The following LRBA variants were observed in gnomAD, a reference collection of about 807,000 sequenced individuals.
LRBA encodes the protein lipopolysaccharide-responsive and beige-like anchor protein.
A neutral mutation model predicts 330.0 loss-of-function variants in LRBA; 176 were observed. The ratio of observed to expected loss-of-function variants is 0.53; its 90% CI spans 0.47 to 0.60. LRBA has a LOEUF of 0.60. LRBA is among the 20% of genes least tolerant of loss of function. LRBA has a pLI of 0.00. For missense variants in LRBA, 3,259 were observed against 3,444.8 expected (o/e 0.95, Z 1.35); for synonymous variants, 1,230 against 1,193.0 (o/e 1.03, Z -0.64).
chr4:150,489,143 T>TAATATATAAGAATATATAATATAC (rs1758346290), intron 41 of LRBA, among the ~76,000 whole-genome samples: 1 of 98,632 alleles, frequency 1.0e-5, no homozygotes, highest in Admixed American at 1.2e-4. Flanking sequence ...ATATAATATA[T>TAATATATAAGAATATATAATATAC]AATATATCAG....
At chr4:150,485,010 T>C (rs1199896556) in intron 42 of LRBA, among the ~76,000 whole-genome samples, 1 of 152,006 alleles carries the variant, frequency 6.6e-6, no homozygotes, top group Non-Finnish European at 1.5e-5. Flanking sequence ...AAGATCTCAA[T>C]CTTTCTAAAC....
At chr4:150,404,031 CA>C (rs1042636033) in intron 47 of LRBA, among the ~76,000 whole-genome samples, 3 of 148,432 alleles carry the variant, frequency 2.0e-5, no homozygotes, top group East Asian at 2.0e-4. Context: ...GATTCTGTCT[CA>C]AAAAAAAACA....
chr4:150,861,314 T>C lies in LRBA; in HGVS notation c.2766+6357A>G, dbSNP rs549272478. The stretch of plus-strand genomic sequence containing the variant: ...GTGTGTGTGTGTGTGTGTGTGTAGA[T>C]TGAGACTCACTATGTTGCCCAGGCT... On this transcript the variant is annotated intron_variant, in intron 22 of 56. Transcript: ENST00000651943. 2.7e-5 allele frequency among the ~76,000 whole-genome samples: 4 copies of C among 148,044 alleles called. No homozygotes were observed. The South Asian group carries it at 6.5e-4, about 24-fold the overall frequency.
At chr4:150,673,907 A>G (rs947949200) in intron 37 of LRBA, among the ~76,000 whole-genome samples, 1 of 152,192 alleles carries the variant, frequency 6.6e-6, no homozygotes, top group Admixed American at 6.5e-5. Context: ...AATGAGAGTT[A>G]TAGGGAGGCT....
chr4:150,791,741 A>G (rs918846921), intron 34 of LRBA, among the ~76,000 whole-genome samples: 24 of 152,180 alleles, frequency 1.6e-4, no homozygotes, highest in African/African-American at 5.8e-4. Flanking sequence ...GAAGTTAAGA[A>G]GGCTTGGCCG....
chr4:150,833,956 G>A (rs1303359739), intron 28 of LRBA, among the ~76,000 whole-genome samples: 1 of 152,098 alleles, frequency 6.6e-6, no homozygotes, highest in Admixed American at 6.6e-5. Context: ...TCTTCATCAT[G>A]AATGGATTCC....
chr4:150,276,897 C>G (rs931868361), intron 56 of LRBA, among the ~76,000 whole-genome samples: 1 of 152,142 alleles, frequency 6.6e-6, no homozygotes, highest in African/African-American at 2.4e-5. Context: ...ACCAGAAATA[C>G]CATTTGACCC....
intron 12 of LRBA, 55 bp from the exon 13 acceptor site, chr4:150,906,045 T>G (rs1731299660): frequency 1.3e-6 from 2 of 1,505,188 alleles, no homozygotes; most frequent in South Asian, 2.3e-5. Flanking sequence ...GTAAGTGAAT[T>G]ACAGGCTGTC....
chr4:150,847,127 A>G (rs924364089), intron 26 of LRBA, among the ~76,000 whole-genome samples: 1 of 152,202 alleles, frequency 6.6e-6, no homozygotes, highest in African/African-American at 2.4e-5. Flanking sequence ...ACAAAAGTAT[A>G]GTATTCAAAT....
chr4:150,267,926 A>G (rs952437733), intron 56 of LRBA, among the ~76,000 whole-genome samples: 3 of 151,860 alleles, frequency 2.0e-5, no homozygotes, highest in Admixed American at 2.0e-4. Context: ...TGGGCGTGGT[A>G]GTGGGCACCT....
At chr4:150,685,720 C>G (rs1418791377) in intron 36 of LRBA, among the ~76,000 whole-genome samples, 1 of 151,630 alleles carries the variant, frequency 6.6e-6, no homozygotes, top group African/African-American at 2.4e-5. Context: ...CAGGCGTGAG[C>G]CACCGCGCCT....
chr4:150,740,880 A>G (rs1194699387), intron 35 of LRBA, among the ~76,000 whole-genome samples: 1 of 152,096 alleles, frequency 6.6e-6, no homozygotes, highest in East Asian at 1.9e-4. Flanking sequence ...GAGAGATGAT[A>G]ATAATGATAA....
intron 46 of LRBA, among the ~76,000 whole-genome samples, chr4:150,425,223 T>C (rs1749411227): frequency 6.6e-6 from 1 of 152,232 alleles, no homozygotes; most frequent in South Asian, 2.1e-4. Context: ...GTGAAGTATG[T>C]TTTATATTCA....
chr4:150,649,971 C>G (rs888614755), intron 37 of LRBA, among the ~76,000 whole-genome samples: 3 of 151,972 alleles, frequency 2.0e-5, no homozygotes, highest in Admixed American at 6.6e-5. Flanking sequence ...TAAGAGGTTG[C>G]GTTCAAATCT....
At chr4:150,946,839 CTT>C (rs1271808609) in intron 2 of LRBA, among the ~76,000 whole-genome samples, 10 of 150,492 alleles carry the variant, frequency 6.6e-5, no homozygotes, top group Admixed American at 6.6e-4. Flanking sequence ...CTTGGCAGGA[CTT>C]AAAAAGCAGC....
intron 40 of LRBA, among the ~76,000 whole-genome samples, chr4:150,521,557 T>C (rs555227850): frequency 6.6e-6 from 1 of 152,312 alleles, no homozygotes. Context: ...ACCCAGCCTC[T>C]ATTTTCATTA....
intron 44 of LRBA, among the ~76,000 whole-genome samples, chr4:150,437,090 A>G (rs1751216175): frequency 6.6e-6 from 1 of 152,172 alleles, no homozygotes; most frequent in African/African-American, 2.4e-5. Flanking sequence ...ATTTCTCCAT[A>G]AGTCTAGTTT....
rs572443809 is a variant in LRBA at position 150,707,873 on chromosome 4, A to G, written c.5755-24156T>C. On this transcript the variant is annotated intron_variant, in intron 36 of 56. Transcript: ENST00000651943. ...CATACTTCCAGAAAGGTCATTTAAA[A>G]TAAAAAAATTTTCAGTGTATTAAAT... Among the ~76,000 whole-genome samples the G allele has an allele frequency of 1.1e-4, 17 of 151,978 alleles. 1 individual carries two copies. In the East Asian group the frequency reaches 3.3e-3, roughly 29 times the overall value.
intron 28 of LRBA, among the ~76,000 whole-genome samples, chr4:150,835,824 A>C (rs1747960259): frequency 6.6e-6 from 1 of 152,156 alleles, no homozygotes. Context: ...CCTGGCCAGA[A>C]CTTCCAACAC....
Sources: gnomAD v4.1 joint callset for allele counts (sites outside exome capture counted in the v4.1 genomes callset) on GRCh38, gnomAD v4.1.1 for gene constraint, MANE v1.5 for transcripts, NCBI Gene and HGNC (gene_info 2026-07-23, HGNC 2026-07-21) for gene names.